The following SCAF1 variants were observed in gnomAD, a reference collection of about 807,000 sequenced individuals.
SCAF1 encodes the protein splicing factor, arginine/serine-rich 19.
A neutral mutation model predicts 91.2 loss-of-function variants in SCAF1; 28 were observed. The ratio of observed to expected loss-of-function variants is 0.31; its 90% CI spans 0.23 to 0.42. SCAF1 has a LOEUF of 0.42. Ranked by LOEUF, SCAF1 falls within the 10% of genes least tolerant of loss-of-function variation. The probability of loss-of-function intolerance (pLI) is 1.00; values close to 1 mark genes in which losing one functional copy is unlikely to be tolerated. For missense variants in SCAF1, 1,893 were observed against 1,872.1 expected (o/e 1.01, Z -0.21); for synonymous variants, 1,036 against 833.7 (o/e 1.24, Z -4.18).
rs1366714426 is a variant in SCAF1, at chr19:49,652,780, C to T, written c.2391C>T (p.Pro797=). The part of the protein sequence containing the change: ...DRDRSSKKAR[P]PKESAPSSGP... ...ACAGGTCATCCAAGAAGGCCCGGCC[C>T]CCCAAGGAGTCGGCGCCTTCCTCAG... Residue 797 remains proline, a synonymous_variant, in exon 7 of 11, where the codon CCC becomes CCT. Transcript: ENST00000360565. 1 of 1,613,256 alleles carries T rather than the reference C, an allele frequency of 6.2e-7. No homozygotes were observed. The highest frequency in any genetic ancestry group is 1.1e-5 in the South Asian group (1 of 91,036).
chr19:49,651,066 A>C lies in SCAF1; in HGVS notation c.677A>C (p.Asp226Ala). Residue 226 changes from aspartate to alanine, a missense_variant, in exon 7 of 11, where the codon GAT becomes GCT. Coordinates refer to ENST00000360565, the MANE Select transcript of SCAF1 (RefSeq NM_021228.3). ...CCAGCCCCACCTGCCCCCCGATTCG[A>C]TATCTATGACCCCTTCCACCCCACC... is the stretch of plus-strand genomic sequence containing the variant. ...APPAPPAPRF[D>A]IYDPFHPTDE... The C allele has an allele frequency of 7.9e-7, 1 of 1,260,052 alleles. No homozygotes were observed. Among genetic ancestry groups the C allele is most frequent in the Non-Finnish European group, 1.0e-6 (1 of 976,572 alleles). The allele number at this position is 1,260,052 out of a possible 1,614,324, so 78.1% of individuals were successfully genotyped here. A position where few individuals can be genotyped will look rare whatever the true frequency, so the allele number is the denominator to read the frequency against.
intron 6 of SCAF1, among the ~76,000 whole-genome samples, chr19:49,648,871 T>G (rs899632730): frequency 1.3e-5 from 2 of 150,428 alleles, no homozygotes; most frequent in African/African-American, 4.9e-5. Context: ...CTCGGGAGGC[T>G]GAGGCAGGAG....
Position 49,652,031 on chromosome 19 carries a change from T to C in SCAF1, c.1642T>C (p.Ser548Pro). The C allele has an allele frequency of 8.2e-7, 1 of 1,222,834 alleles. No homozygotes were observed. The highest frequency in any genetic ancestry group is 1.0e-6 in the Non-Finnish European group (1 of 971,408). 75.7% of individuals were successfully genotyped at this position (1,222,834 alleles called of 1,614,324 possible). ...CCAGCCAGCGCCGCCCGCCCCGGCC[T>C]CGCCCTGGGACTCCAAGAAGCACCG... ...GTQPAPPAPA[S>P]PWDSKKHRSR... The change falls in exon 7 of 11, where the codon TCG (serine) becomes CCG (proline). Residue 548 changes from serine (S) to proline (P), a missense_variant. By Grantham distance (74) the Ser-to-Pro change is moderately conservative (BLOSUM62 -1). Transcript: ENST00000360565.
In SCAF1 at chr19:49,652,521, A is replaced by C; in HGVS notation, c.2132A>C (p.Asp711Ala). Reference protein sequence around the residue: ...IKRTITVGRLDKSDPRGPSPA... With the variant: ...IKRTITVGRLAKSDPRGPSPA... Reference sequence around the variant, plus strand: ...CGGACCATCACGGTGGGCCGGCTTGACAAGTCCGACCCCCGAGGACCCTCT... The same window carrying C: ...CGGACCATCACGGTGGGCCGGCTTGCCAAGTCCGACCCCCGAGGACCCTCT... Residue 711 changes from aspartate to alanine, a missense_variant, in exon 7 of 11, where the codon GAC (aspartate) becomes GCC (alanine). Around this residue, in one of 5 missense-constraint regions of SCAF1, gnomAD observed 1,436 missense variants for 1,306.8 expected, o/e 1.10. Transcript: ENST00000360565. 6.4e-7 allele frequency: 1 copy of C among 1,574,128 alleles called. No homozygotes were observed. The highest frequency in any genetic ancestry group is 8.6e-7 in the Non-Finnish European group (1 of 1,159,584).
chr19:49,654,716 T>G lies in SCAF1; in HGVS notation c.3464T>G (p.Leu1155Trp), dbSNP rs2122515022. 2 of 1,614,050 alleles carry G rather than the reference T, an allele frequency of 1.2e-6. No homozygotes were observed. Among genetic ancestry groups the G allele is most frequent in the Non-Finnish European group, 1.7e-6 (2 of 1,179,976 alleles). ...GMTPAPVPTS[L>W]GLPPGPSSYL... ...ACCCCAGCTCCTGTGCCCACCTCTT[T>G]GGGTCTGCCCCCTGGCCCCTCCAGC... is the stretch of plus-strand genomic sequence containing the variant. The change falls in exon 9 of 11, where the codon TTG becomes TGG. Residue 1155 changes from leucine to tryptophan, a missense_variant. Leu to Trp is a moderately conservative substitution (Grantham distance 61). Transcript: ENST00000360565.
intron 8 of SCAF1, 23 bp downstream of exon 8, chr19:49,654,454 C>T (rs1210130220): frequency 1.2e-6 from 2 of 1,601,406 alleles, no homozygotes; most frequent in Non-Finnish European, 1.7e-6. Flanking sequence ...GGGGGAGAGT[C>T]CCTGCCGCCC....
At chr19:49,648,104 T>TTTTTTTC (rs572407345) in intron 6 of SCAF1, among the ~76,000 whole-genome samples, 2,022 of 151,816 alleles carry the variant, frequency 0.013, 61 homozygotes, top group African/African-American at 0.046. Context: ...GGCTAGTTTT[T>TTTTTTTC]TTTTTTCTTT....
At position 49,646,656 on chromosome 19, in the gene SCAF1, G is replaced by A; in HGVS notation, c.362+30G>A. On this transcript the variant is annotated intron_variant, in intron 5 of 10. Transcript: ENST00000360565. This position sits in a 1 kb window ranked among gnomAD's most constrained non-coding sequence, Gnocchi z 5.6. ...GTAGCTGGGCAGCTGGAGTGGGAGAGGCCTCAGCGTGAGAGCCAGAAGCAC... is the reference window on the plus strand; with the variant it reads ...GTAGCTGGGCAGCTGGAGTGGGAGAAGCCTCAGCGTGAGAGCCAGAAGCAC... 6.2e-7 allele frequency: 1 copy of A among 1,613,240 alleles called. No individual in the cohort carries two copies. The highest frequency in any genetic ancestry group is 1.1e-5 in the South Asian group (1 of 91,046).
At position 49,646,874 on chromosome 19, in the gene SCAF1, G is replaced by T. The variant is rs765972329; in HGVS notation, c.478+44G>T. On this transcript the variant is annotated intron_variant, in intron 6 of 10. Coordinates refer to ENST00000360565, the MANE Select transcript of SCAF1 (RefSeq NM_021228.3). The surrounding 1 kb of genome is among the most constrained non-coding windows in gnomAD (Gnocchi z 5.6). ...GAGCTGGGCAGGTGGTCGTGGAGTT[G>T]TGTGGGGATCGGCTGTTTTTGGTAG... 63 of 1,485,700 alleles carry T rather than the reference G, an allele frequency of 4.2e-5. No homozygotes were observed. The highest frequency in any genetic ancestry group is 5.5e-5 in the Non-Finnish European group (60 of 1,089,688). The allele number at this position is 1,485,700 out of a possible 1,614,324, so 92.0% of individuals were successfully genotyped here.
Position 49,652,183 on chromosome 19 carries a change from C to T in SCAF1, c.1794C>T (p.Arg598=), listed in dbSNP as rs1270949633. 5 of 1,216,606 alleles carry T rather than the reference C, an allele frequency of 4.1e-6. No homozygotes were observed. The highest frequency in any genetic ancestry group is 3.7e-5 in the East Asian group (1 of 26,974). The allele number at this position is 1,216,606 out of a possible 1,614,324, so 75.4% of individuals were successfully genotyped here. The change falls in exon 7 of 11, where the codon CGC becomes CGT. Residue 598 remains arginine (R), a synonymous_variant. Transcript: ENST00000360565. Reference sequence around the variant, plus strand: ...CCGACCGCCGCCGCGGGGGCAGCCGCAGGTCGCGGTCCCGGGAGAAGCGGC... The same window carrying T: ...CCGACCGCCGCCGCGGGGGCAGCCGTAGGTCGCGGTCCCGGGAGAAGCGGC... ...RSTDRRRGGS[R]RSRSREKRRR... is the part of the protein sequence containing the mutation.
In SCAF1 at chr19:49,650,950, C is replaced by A; in HGVS notation, c.561C>A (p.Pro187=). Residue 187 remains proline, a synonymous_variant, in exon 7 of 11, where the codon CCC becomes CCA. Coordinates refer to ENST00000360565, the MANE Select transcript of SCAF1 (RefSeq NM_021228.3). ...CGGGAGACGGGGGCCCTGCCCCACC[C>A]CCTGCCCCCTCCTCTGCATCCTCCT... ...LGTGDGGPAP[P]PAPSSASSSP... is the part of the protein sequence containing the mutation. 6.4e-7 allele frequency: 1 copy of A among 1,564,556 alleles called. No homozygotes were observed. Among genetic ancestry groups the A allele is most frequent in the Non-Finnish European group, 8.7e-7 (1 of 1,148,068 alleles).
chr19:49,650,983 CCCTTCT>C lies in SCAF1; in HGVS notation c.597_602del (p.Pro201_Ser202del). 1.5e-6 allele frequency: 2 copies of C among 1,346,646 alleles called. No individual in the cohort carries two copies. Among genetic ancestry groups the C allele is most frequent in the Non-Finnish European group, 2.0e-6 (2 of 982,390 alleles). The allele number at this position is 1,346,646 out of a possible 1,614,324, so 83.4% of individuals were successfully genotyped here. On this transcript the variant is annotated inframe_deletion, in exon 7 of 11. Coordinates refer to ENST00000360565, the MANE Select transcript of SCAF1 (RefSeq NM_021228.3). Reference sequence around the variant, plus strand: ...CCTCCTCTGCATCCTCCTCCCCTTCCCCTTCTCCCTCATCTTCCTCCCCTTCCCCTC... The same window carrying C: ...CCTCCTCTGCATCCTCCTCCCCTTCCCCCTCATCTTCCTCCCCTTCCCCTC...
In SCAF1 at chr19:49,651,154, C is replaced by G. The variant is rs746197159; in HGVS notation, c.765C>G (p.Gly255=). The change falls in exon 7 of 11, where the codon GGC becomes GGG. Residue 255 remains glycine, a synonymous_variant. Transcript: ENST00000360565. The stretch of plus-strand genomic sequence containing the variant: ...AGTACGACCCTTTTGAGCCCACCGG[C>G]TCCAACCCCAGCTCATCAGCGGGGA... ...EQKYDPFEPT[G]SNPSSSAGTP... 1 of 1,613,122 alleles carries G rather than the reference C, an allele frequency of 6.2e-7. No homozygotes were observed.
Position 49,652,548 on chromosome 19 carries a change from C to A in SCAF1, c.2159C>A (p.Pro720His). 6.4e-7 allele frequency: 1 copy of A among 1,565,578 alleles called. No homozygotes were observed. Among genetic ancestry groups the A allele is most frequent in the Non-Finnish European group, 8.7e-7 (1 of 1,154,350 alleles). ...LDKSDPRGPS[P>H]APASSPKREV... ...AAGTCCGACCCCCGAGGACCCTCTC[C>A]TGCTCCGGCCTCCTCACCTAAGCGG... is the stretch of plus-strand genomic sequence containing the variant. Residue 720 changes from proline (P) to histidine (H), a missense_variant, in exon 7 of 11, where the codon CCT becomes CAT. Pro to His is a moderately conservative substitution (Grantham distance 77, BLOSUM62 -2). Transcript: ENST00000360565.
chr19:49,641,504 A>T (rs2081025947), upstream of SCAF1, among the ~76,000 whole-genome samples: 1 of 152,106 alleles, frequency 6.6e-6, no homozygotes, highest in African/African-American at 2.4e-5. Context: ...TTTAGTAGAG[A>T]CTGGGTTTCA....
At chr19:49,654,984 C>T (rs2081130472) in intron 9 of SCAF1, 114 bp downstream of exon 9, 3 of 806,820 alleles carry the variant, frequency 3.7e-6, no homozygotes, top group Middle Eastern at 3.7e-4. Flanking sequence ...GGAGACAGGG[C>T]CGTAGAGACC....
intron 7 of SCAF1, 75 bp from the exon 8 acceptor site, chr19:49,654,274 G>A (rs2081124024): frequency 2.4e-6 from 3 of 1,273,334 alleles, no homozygotes; most frequent in East Asian, 2.4e-5. Flanking sequence ...GACAGCAGGT[G>A]TCCAGGTGAG....
Position 49,653,029 on chromosome 19 carries a change from C to T in SCAF1, c.2640C>T (p.Asp880=), listed in dbSNP as rs778967315. The change falls in exon 7 of 11, where the codon GAC becomes GAT. Residue 880 remains aspartate, a synonymous_variant. Coordinates refer to ENST00000360565, the MANE Select transcript of SCAF1 (RefSeq NM_021228.3). Reference sequence around the variant, plus strand: ...GTCGCTCCCCCTTCCTCAAACCTGACGAGCGGGCCCCCACTGAGATGGCCA... The same window carrying T: ...GTCGCTCCCCCTTCCTCAAACCTGATGAGCGGGCCCCCACTGAGATGGCCA... ...RESRSPFLKP[D]ERAPTEMAKA... is the part of the protein sequence containing the mutation. The T allele has an allele frequency of 1.2e-5, 19 of 1,614,016 alleles. No individual in the cohort carries two copies. Among genetic ancestry groups the T allele is most frequent in the South Asian group, 1.1e-4 (10 of 91,080 alleles).
chr19:49,646,474 G>A lies in SCAF1; in HGVS notation c.262-52G>A. On this transcript the variant is annotated intron_variant, in intron 4 of 10. Transcript: ENST00000360565. The surrounding 1 kb of genome is among the most constrained non-coding windows in gnomAD (Gnocchi z 5.6). ...GTTAGGGAGTGGGGAAGCAGGATTTGCCAGTCTTCATGTGACCAGGGACGG... is the reference window on the plus strand; with the variant it reads ...GTTAGGGAGTGGGGAAGCAGGATTTACCAGTCTTCATGTGACCAGGGACGG... 6.6e-7 allele frequency: 1 copy of A among 1,504,276 alleles called. No homozygotes were observed. Among genetic ancestry groups the A allele is most frequent in the Admixed American group, 1.7e-5 (1 of 59,602 alleles). The allele number at this position is 1,504,276 out of a possible 1,614,324, so 93.2% of individuals were successfully genotyped here.
Sources: allele counts gnomAD v4.1 joint callset (sites outside exome capture counted in the v4.1 genomes callset), GRCh38; gene constraint gnomAD v4.1.1; regional missense constraint gnomAD v4.1.1; non-coding constraint Gnocchi (gnomAD v3.1); transcripts MANE v1.5; gene names NCBI Gene and HGNC (gene_info 2026-07-23, HGNC 2026-07-21).